The following SUGT1 variants were observed in gnomAD, a reference collection of about 807,000 sequenced individuals.
SUGT1 encodes SGT1 assembly cochaperone of MIS12 kinetochore complex.
SUGT1 carries 15 observed loss-of-function variants against 56.1 expected under a neutral mutation model. The observed-to-expected ratio is 0.27, with a 90% CI of 0.18 to 0.41. SUGT1 has a LOEUF of 0.41. SUGT1 is among the 10% of genes least tolerant of loss of function. The pLI is 1.00. For synonymous variants in SUGT1, 123 were observed against 128.6 expected (o/e 0.96, Z 0.30); for missense variants, 347 against 382.2 (o/e 0.91, Z 0.77).
At chr13:52,664,968 T>G (rs1010808410) in intron 8 of SUGT1, among the ~76,000 whole-genome samples, 1 of 152,170 alleles carries the variant, frequency 6.6e-6, no homozygotes, top group African/African-American at 2.4e-5. Flanking sequence ...AAAGTGAGGA[T>G]TCCTACGTTT....
intron 5 of SUGT1, among the ~76,000 whole-genome samples, chr13:52,660,784 A>G (rs1962406353): frequency 6.6e-6 from 1 of 152,168 alleles, no homozygotes; most frequent in African/African-American, 2.4e-5. Context: ...AACATGAGTC[A>G]TACCATTCTC....
In SUGT1 at chr13:52,698,234, T is replaced by C. The variant is rs1254304213; in HGVS notation, c.*10399T>C. On this transcript the variant is annotated 3_prime_UTR_variant, in exon 13 of 13. Transcript: ENST00000310528. ...CTGGAATGCAAACATGTATTTGCAT[T>C]TCATCCACTGTCAGTATGAGGAGAC... is the stretch of plus-strand genomic sequence containing the variant. The C allele has an allele frequency of 6.6e-6, 1 of 152,158 alleles. No individual in the cohort carries two copies. The highest frequency in any genetic ancestry group is 2.4e-5 in the African/African-American group (1 of 41,430). The allele number at this position is 152,158 out of a possible 1,614,324, so 9.4% of individuals were successfully genotyped here.
chr13:52,670,025 A>G (rs1447779098), intron 10 of SUGT1, among the ~76,000 whole-genome samples: 2 of 152,208 alleles, frequency 1.3e-5, no homozygotes, highest in African/African-American at 2.4e-5. Flanking sequence ...CGCATTTTGC[A>G]GAGGAGAATC....
At chr13:52,673,873 C>T (rs1963037283) in intron 10 of SUGT1, among the ~76,000 whole-genome samples, 3 of 151,904 alleles carry the variant, frequency 2.0e-5, no homozygotes, top group Non-Finnish European at 2.9e-5. Flanking sequence ...GATTTATGTC[C>T]CTTTTGATAA....
chr13:52,667,323 A>C (rs968977471), intron 10 of SUGT1, among the ~76,000 whole-genome samples: 3 of 152,200 alleles, frequency 2.0e-5, no homozygotes, highest in African/African-American at 4.8e-5. Context: ...AAACTACAAG[A>C]AAGATGAATC....
rs1000207423 is a variant in SUGT1 at position 52,692,108 on chromosome 13, T to A, written c.*4273T>A. 1.3e-5 allele frequency: 2 copies of A among 152,224 alleles called. No homozygotes were observed. The highest frequency in any genetic ancestry group is 4.8e-5 in the African/African-American group (2 of 41,454). The allele number at this position is 152,224 out of a possible 1,614,324, so 9.4% of individuals were successfully genotyped here. ...ACTGCAAATAGTGGTAGTTACTGTG[T>A]ACTAGCATTTCTTATGGATTGGGTG... On this transcript the variant is annotated 3_prime_UTR_variant, in exon 13 of 13. Transcript: ENST00000310528.
At position 52,693,098 on chromosome 13, in the gene SUGT1, C is replaced by G. The variant is rs182122593; in HGVS notation, c.*5263C>G. On this transcript the variant is annotated 3_prime_UTR_variant, in exon 13 of 13. Transcript: ENST00000310528. Reference sequence around the variant, plus strand: ...AATATTTCAGGTTATTTCCTTTTTCCTAACTTATGTTAGCATTTTGTATAT... The same window carrying G: ...AATATTTCAGGTTATTTCCTTTTTCGTAACTTATGTTAGCATTTTGTATAT... 37 of 146,444 alleles carry G rather than the reference C, an allele frequency of 2.5e-4. No individual in the cohort carries two copies. Among genetic ancestry groups the G allele is most frequent in the African/African-American group, 9.2e-4 (36 of 39,242 alleles). The allele number at this position is 146,444 out of a possible 1,614,324, so 9.1% of individuals were successfully genotyped here.
At chr13:52,674,263 G>A (rs1963058493) in intron 10 of SUGT1, among the ~76,000 whole-genome samples, 1 of 152,070 alleles carries the variant, frequency 6.6e-6, no homozygotes, top group Admixed American at 6.5e-5. Context: ...TGTTGGCCGG[G>A]CTGGTCTTGA....
In SUGT1 at chr13:52,700,129, G is replaced by A. The variant is rs2096527734; in HGVS notation, c.*12294G>A. The A allele has an allele frequency of 6.6e-6, 1 of 152,164 alleles. No individual in the cohort carries two copies. The highest frequency in any genetic ancestry group is 6.5e-5 in the Admixed American group (1 of 15,272). The allele number at this position is 152,164 out of a possible 1,614,324, so 9.4% of individuals were successfully genotyped here. A position where few individuals can be genotyped will look rare whatever the true frequency, so the allele number is the denominator to read the frequency against. ...CTCTTAAATGGTTTTGAATAATTTG[G>A]TGTTTTAACCAATGACTTAATTTAA... On this transcript the variant is annotated 3_prime_UTR_variant, in exon 13 of 13. Transcript: ENST00000310528.
rs1594257688 is a variant in SUGT1, at chr13:52,684,435, T to A, written c.901-3299T>A. Among the ~76,000 whole-genome samples, 6 of 152,062 alleles carry A rather than the reference T, an allele frequency of 3.9e-5. 2 individuals carry two copies. The highest frequency in any genetic ancestry group is 3.9e-4 in the Admixed American group (6 of 15,268). On this transcript the variant is annotated intron_variant, in intron 12 of 12. Transcript: ENST00000310528. ...TCTATTTTTTTGTTCTACATTTTTT[T>A]ATTCATTTCTATTTTTATTTTCTTC...
chr13:52,653,968 T>A (rs1466943232), intron 2 of SUGT1, among the ~76,000 whole-genome samples: 1 of 152,060 alleles, frequency 6.6e-6, no homozygotes, highest in Non-Finnish European at 1.5e-5. Context: ...GATCTTTGAG[T>A]GGAGATTTGA....
chr13:52,695,622 A>G lies in SUGT1; in HGVS notation c.*7787A>G, dbSNP rs1250023178. 6.6e-6 allele frequency: 1 copy of G among 152,156 alleles called. No individual in the cohort carries two copies. Among genetic ancestry groups the G allele is most frequent in the Admixed American group, 6.5e-5 (1 of 15,276 alleles). 9.4% of individuals were successfully genotyped at this position (152,156 alleles called of 1,614,324 possible). A position where few individuals can be genotyped will look rare whatever the true frequency, so the allele number is the denominator to read the frequency against. On this transcript the variant is annotated 3_prime_UTR_variant, in exon 13 of 13. Coordinates refer to ENST00000310528, the MANE Select transcript of SUGT1 (RefSeq NM_006704.5). Reference sequence around the variant, plus strand: ...TTCTTCAAAGGAGGGTGAGTCTGGCATTTACCTGCTATTCAAGAGTTTTCA... The same window carrying G: ...TTCTTCAAAGGAGGGTGAGTCTGGCGTTTACCTGCTATTCAAGAGTTTTCA...
intron 8 of SUGT1, 84 bp downstream of exon 8, chr13:52,664,141 C>T: frequency 3.7e-6 from 5 of 1,361,412 alleles, no homozygotes; most frequent in Non-Finnish European, 5.1e-6. Context: ...TAAGCAAATT[C>T]TTACCATGTG....
intron 12 of SUGT1, among the ~76,000 whole-genome samples, chr13:52,680,887 GC>G (rs1388457311): frequency 1.3e-5 from 2 of 152,126 alleles, no homozygotes; most frequent in East Asian, 3.9e-4. Flanking sequence ...TGTTGCCCAG[GC>G]TTGAGTACAG....
chr13:52,652,992 T>C (rs1566170413), intron 1 of SUGT1, 34 bp downstream of exon 1: 1 of 1,614,228 alleles, frequency 6.2e-7, no homozygotes, highest in South Asian at 1.1e-5. Flanking sequence ...GTATTTATTT[T>C]ATCCCCCTTT....
rs1351112041 is a variant in SUGT1, at chr13:52,653,032, T to G, written c.39-14T>G. On this transcript the variant is annotated splice_polypyrimidine_tract_variant and intron_variant, in intron 1 of 12. Coordinates refer to ENST00000310528, the MANE Select transcript of SUGT1 (RefSeq NM_006704.5). ...GGCTAGTGAGCCCTGCTGAAGTCGT[T>G]GTTTTCCTGACAGGTTTTTCCAGAG... The G allele has an allele frequency of 6.2e-7, 1 of 1,614,176 alleles. No homozygotes were observed. Among genetic ancestry groups the G allele is most frequent in the South Asian group, 1.1e-5 (1 of 91,086 alleles).
intron 2 of SUGT1, 32 bp from the exon 3 acceptor site, chr13:52,657,500 T>A (rs779866262): frequency 4.4e-6 from 7 of 1,591,984 alleles, no homozygotes; most frequent in Non-Finnish European, 6.0e-6. Flanking sequence ...CTTACAAACT[T>A]TTACTGACGC....
chr13:52,663,169 A>G, intron 7 of SUGT1, 57 bp downstream of exon 7: 1 of 1,557,700 alleles, frequency 6.4e-7, no homozygotes, highest in Non-Finnish European at 8.8e-7. Context: ...CAGCTACCAA[A>G]TATATTTGAG....
chr13:52,659,801 TATATATATA>T (rs1962338668), intron 5 of SUGT1, among the ~76,000 whole-genome samples: 1 of 16,172 alleles, frequency 6.2e-5, no homozygotes, highest in African/African-American at 1.9e-4. Context: ...TATATATATA[TATATATATA>T]TATATTTTTT....
Sources: allele counts gnomAD v4.1 joint callset (sites outside exome capture counted in the v4.1 genomes callset), GRCh38; gene constraint gnomAD v4.1.1; transcripts MANE v1.5; gene names NCBI Gene and HGNC (gene_info 2026-07-23, HGNC 2026-07-21).